The following P2RX5 variants were observed in gnomAD, a reference collection of about 807,000 sequenced individuals.
The protein encoded by P2RX5 is purinergic receptor P2X 5.
P2RX5 carries 46 observed loss-of-function variants against 54.1 expected under a neutral mutation model. The observed-to-expected ratio is 0.85, with a 90% CI of 0.67 to 1.09. The LOEUF (loss-of-function observed/expected upper bound fraction) is 1.09, where lower values mean the gene tolerates loss of function less well. P2RX5 is among the 50% of genes least tolerant of loss of function. P2RX5 has a pLI of 0.00. For missense variants in P2RX5, 566 were observed against 549.8 expected, an observed-to-expected ratio of 1.03 and a Z score of -0.29; for synonymous variants, 226 against 226.4, an observed-to-expected ratio of 1.00 and a Z score of 0.02.
chr17:3,704,936 A>G, the P2RX5 span, among the ~76,000 whole-genome samples: 77,164 of 152,010 alleles, frequency 0.51, 21,518 homozygotes, highest in South Asian at 0.69. Flanking sequence ...AACCTGGGAG[A>G]CAGAGGTTGC....
At chr17:3,723,810 G>A in the P2RX5 span, 1 of 1,581,998 alleles carries the variant, frequency 6.3e-7, no homozygotes, top group Non-Finnish European at 8.6e-7. Context: ...GTCCCGTCCC[G>A]GCCCCGGCCC....
At position 3,673,659 on chromosome 17, in the gene P2RX5, G is replaced by T; in HGVS notation, c.*209C>A. The T allele has an allele frequency of 6.9e-7, 1 of 1,451,934 alleles. No individual in the cohort carries two copies. The allele number at this position is 1,451,934 out of a possible 1,614,324, so 89.9% of individuals were successfully genotyped here. ...CTGACGGCAGGGGGTGGGGCAAAAA[G>T]ACAGCCATGATGGGTCCGTCCTGAT... On this transcript the variant is annotated 3_prime_UTR_variant, in exon 12 of 12. Coordinates refer to ENST00000225328, the MANE Select transcript of P2RX5 (RefSeq NM_002561.4).
At chr17:3,711,843 T>G in the P2RX5 span, among the ~76,000 whole-genome samples, 5 of 152,224 alleles carry the variant, frequency 3.3e-5, no homozygotes, top group Non-Finnish European at 1.5e-5. Context: ...TACAGGTGTA[T>G]GCCACAGACC....
chr17:3,689,741 C>A, intron 6 of P2RX5, 111 bp from the exon 7 acceptor site: 1 of 1,391,482 alleles, frequency 7.2e-7, no homozygotes, highest in South Asian at 1.2e-5. Flanking sequence ...CTCCCCGCAG[C>A]AACACCCCAC....
intron 1 of P2RX5, among the ~76,000 whole-genome samples, chr17:3,692,261 A>C (rs530857666): frequency 9.2e-5 from 14 of 151,840 alleles, no homozygotes; most frequent in Non-Finnish European, 1.9e-4. Flanking sequence ...AGCTTGCAGT[A>C]AGCAGAGATC....
At chr17:3,703,906 G>A in the P2RX5 span, among the ~76,000 whole-genome samples, 1 of 152,178 alleles carries the variant, frequency 6.6e-6, no homozygotes, top group Non-Finnish European at 1.5e-5. Context: ...TTCGAGACCA[G>A]CCTGACCAAC....
chr17:3,696,934 G>GC (rs562290051), upstream of P2RX5, among the ~76,000 whole-genome samples: 265 of 152,236 alleles, frequency 1.7e-3, 2 homozygotes, highest in Middle Eastern at 0.01. Context: ...GTGGTTGTGG[G>GC]GGGGAAGCCG....
intron 8 of P2RX5, 125 bp downstream of exon 8, chr17:3,688,501 A>C (rs939932544): frequency 3.2e-5 from 34 of 1,051,556 alleles, no homozygotes; most frequent in Non-Finnish European, 4.9e-5. Context: ...CTCCTGGGCC[A>C]TCTGTCCCTG....
chr17:3,681,024 AC>A (rs2050263250), intron 10 of P2RX5, among the ~76,000 whole-genome samples: 1 of 146,354 alleles, frequency 6.8e-6, no homozygotes, highest in Admixed American at 6.8e-5. Flanking sequence ...TGCATCCTCC[AC>A]CCTGCGTCCT....
In P2RX5 at chr17:3,682,142, A is replaced by G. The variant is rs1597704535; in HGVS notation, c.982-164T>C. ...TCAGCAAGGGGCACCCTTGTCCGAC[A>G]CCACAGAGCTGGTCCATGGTGGAGC... is the stretch of plus-strand genomic sequence containing the variant. On this transcript the variant is annotated intron_variant, in intron 9 of 11. Transcript: ENST00000225328. 1.0e-5 allele frequency: 7 copies of G among 668,394 alleles called. No homozygotes were observed. The East Asian group carries it at 1.9e-4, about 19-fold the overall frequency. The allele number at this position is 668,394 out of a possible 1,614,324, so 41.4% of individuals were successfully genotyped here. A position where few individuals can be genotyped will look rare whatever the true frequency, so the allele number is the denominator to read the frequency against.
chr17:3,697,130 C>A (rs1176263601), upstream of P2RX5, among the ~76,000 whole-genome samples: 2 of 38,584 alleles, frequency 5.2e-5, no homozygotes, highest in African/African-American at 2.5e-4. Context: ...ACACTCAGGG[C>A]GGATGGTGCG....
At chr17:3,710,789 G>A in the P2RX5 span, among the ~76,000 whole-genome samples, 144 of 151,954 alleles carry the variant, frequency 9.5e-4, no homozygotes, top group African/African-American at 3.0e-3. Flanking sequence ...TTAGTTGGGC[G>A]TGGCGGCATG....
intron 9 of P2RX5, chr17:3,682,313 G>A (rs965448511): frequency 5.2e-6 from 2 of 385,462 alleles, no homozygotes; most frequent in African/African-American, 4.2e-5. Context: ...GAGAGGATCT[G>A]GACAAGAGAG....
upstream of P2RX5, among the ~76,000 whole-genome samples, chr17:3,700,855 T>C (rs1164992923): frequency 2.6e-5 from 4 of 152,154 alleles, no homozygotes; most frequent in African/African-American, 9.7e-5. Flanking sequence ...TCCTGTGACA[T>C]GCCAGCTCCT....
upstream of P2RX5, among the ~76,000 whole-genome samples, chr17:3,699,169 G>A (rs2050799584): frequency 6.6e-6 from 1 of 151,376 alleles, no homozygotes; most frequent in South Asian, 2.1e-4. Flanking sequence ...GCCAAGGCAG[G>A]AGGATTGCTT....
At chr17:3,700,387 G>A (rs2050809437), upstream of P2RX5, among the ~76,000 whole-genome samples, 3 of 152,074 alleles carry the variant, frequency 2.0e-5, no homozygotes, top group Admixed American at 1.3e-4. Flanking sequence ...ACAAAAATTA[G>A]CCGGGCCTGG....
the P2RX5 span, among the ~76,000 whole-genome samples, chr17:3,708,986 C>T: frequency 4.5e-4 from 68 of 152,188 alleles, no homozygotes; most frequent in African/African-American, 1.4e-3. Context: ...GAGTCTTGCT[C>T]TGTCACCCAG....
chr17:3,714,484 C>T, the P2RX5 span: 62,491 of 162,652 alleles, frequency 0.38, 14,239 homozygotes, highest in South Asian at 0.58. Flanking sequence ...CCTCAGCCTC[C>T]CAAAGTGCTG....
chr17:3,691,586 C>A, intron 2 of P2RX5, 58 bp downstream of exon 2: 1 of 1,608,086 alleles, frequency 6.2e-7, no homozygotes, highest in Non-Finnish European at 8.5e-7. Flanking sequence ...CCCGTGTGAC[C>A]CACCCGAACC....
Sources: allele counts gnomAD v4.1 joint callset (sites outside exome capture counted in the v4.1 genomes callset), GRCh38; gene constraint gnomAD v4.1.1; transcripts MANE v1.5; gene names NCBI Gene and HGNC (gene_info 2026-07-23, HGNC 2026-07-21).